COL11A1: variants seen among roughly 807,000 people sequenced by gnomAD.
COL11A1 encodes collagen type XI alpha 1 chain, also known as collagen alpha-1(XI) chain.
In COL11A1, 74 loss-of-function variants were observed where a neutral mutation model predicts 265.2. The ratio of observed to expected loss-of-function variants is 0.28; its 90% CI spans 0.23 to 0.34. COL11A1 has a LOEUF of 0.34. COL11A1 is among the 10% of genes least tolerant of loss of function. The pLI, the probability that COL11A1 is intolerant of heterozygous loss-of-function variation, is 1.00. For synonymous variants in COL11A1, 816 were observed against 727.6 expected (o/e 1.12, Z -1.96); for missense variants, 2,165 against 2,263.6 (o/e 0.96, Z 0.88).
chr1:102,915,683 C>A lies in COL11A1; in HGVS notation c.3764G>T (p.Gly1255Val). The change falls in exon 50 of 67, where the codon GGT (glycine) becomes GTT (valine). Residue 1255 changes from glycine (G) to valine (V), a missense_variant and splice_region_variant. Transcript: ENST00000370096. Reference protein sequence around the residue: ...VGSVGGVGEKGEPGEAGNPGP... With the variant: ...VGSVGGVGEKVEPGEAGNPGP... ...TGGGTTCCCTGCTTCTCCAGGTTCA[C>A]CCTATATAGAGAAGATCAAATTAGT... The A allele has an allele frequency of 6.2e-7, 1 of 1,610,054 alleles. No individual in the cohort carries two copies. Among genetic ancestry groups the A allele is most frequent in the East Asian group, 2.2e-5 (1 of 44,832 alleles).
chr1:102,893,671 G>A (rs1262193726), intron 57 of COL11A1, among the ~76,000 whole-genome samples: 5 of 152,080 alleles, frequency 3.3e-5, no homozygotes, highest in Non-Finnish European at 7.4e-5. Context: ...TTCCCCTGCA[G>A]TATTATACTT....
At chr1:103,103,137 TCTC>T (rs1243628934) in intron 1 of COL11A1, among the ~76,000 whole-genome samples, 4 of 151,952 alleles carry the variant, frequency 2.6e-5, no homozygotes, top group Non-Finnish European at 4.4e-5. Flanking sequence ...TACTACGTTC[TCTC>T]CTATTTTTTT....
chr1:102,915,424 T>C (rs556554475), intron 50 of COL11A1, among the ~76,000 whole-genome samples: 31 of 152,324 alleles, frequency 2.0e-4, no homozygotes. Flanking sequence ...TCAGCAAATA[T>C]GATATTTTTT....
intron 25 of COL11A1, among the ~76,000 whole-genome samples, chr1:102,997,886 G>A (rs1664774063): frequency 6.6e-6 from 1 of 151,898 alleles, no homozygotes; most frequent in African/African-American, 2.4e-5. Flanking sequence ...GAATGGTGAG[G>A]AACTTCACCT....
At chr1:103,096,022 G>C (rs1673730345) in intron 1 of COL11A1, among the ~76,000 whole-genome samples, 1 of 151,958 alleles carries the variant, frequency 6.6e-6, no homozygotes. Context: ...CAGGGAGACT[G>C]GATTTTATTC....
intron 24 of COL11A1, chr1:103,001,517 G>A (rs111367997): frequency 6.6e-6 from 3 of 452,156 alleles, no homozygotes; most frequent in African/African-American, 2.0e-5. Context: ...TCATATATGA[G>A]ATATAATGGC....
chr1:102,966,371 GA>G (rs577455722), intron 37 of COL11A1, among the ~76,000 whole-genome samples: 5 of 151,500 alleles, frequency 3.3e-5, no homozygotes, highest in Non-Finnish European at 5.9e-5. Flanking sequence ...AATAAGATTA[GA>G]AAAAAAATGG....
intron 47 of COL11A1, among the ~76,000 whole-genome samples, chr1:102,921,908 T>G (rs1467204592): frequency 6.6e-6 from 1 of 152,230 alleles, no homozygotes; most frequent in African/African-American, 2.4e-5. Flanking sequence ...AATGTAAAGT[T>G]GGAAAAATAA....
At chr1:103,027,280 C>CA (rs1299244611) in intron 5 of COL11A1, among the ~76,000 whole-genome samples, 1 of 149,596 alleles carries the variant, frequency 6.7e-6, no homozygotes, top group African/African-American at 2.4e-5. Context: ...TTTTAATTTT[C>CA]AATCAAGATA....
chr1:103,106,322 T>A (rs911658518), intron 1 of COL11A1, among the ~76,000 whole-genome samples: 1 of 152,182 alleles, frequency 6.6e-6, no homozygotes, highest in Non-Finnish European at 1.5e-5. Context: ...TTCCTATAAT[T>A]TTCAATAAAT....
chr1:102,978,245 A>G (rs1662693902), intron 35 of COL11A1, among the ~76,000 whole-genome samples: 1 of 152,162 alleles, frequency 6.6e-6, no homozygotes, highest in Non-Finnish European at 1.5e-5. Flanking sequence ...CTAAATAGCT[A>G]TTCTATTTAC....
intron 49 of COL11A1, among the ~76,000 whole-genome samples, chr1:102,916,080 T>C (rs942826878): frequency 6.6e-6 from 1 of 152,230 alleles, no homozygotes. Flanking sequence ...TGTAAATTTA[T>C]TTATCTTAAC....
chr1:102,880,431 G>T (rs1650089051), intron 65 of COL11A1, among the ~76,000 whole-genome samples: 1 of 152,074 alleles, frequency 6.6e-6, no homozygotes, highest in Admixed American at 6.6e-5. Context: ...GTCCTCAAAG[G>T]TTATTAATAT....
At chr1:103,085,717 G>T (rs1239112782) in intron 1 of COL11A1, among the ~76,000 whole-genome samples, 1 of 152,148 alleles carries the variant, frequency 6.6e-6, no homozygotes, top group Admixed American at 6.5e-5. Flanking sequence ...AATGATGTTT[G>T]AGAACATTTT....
intron 11 of COL11A1, among the ~76,000 whole-genome samples, chr1:103,016,396 A>G (rs1571044603): frequency 1.3e-5 from 2 of 151,896 alleles, no homozygotes; most frequent in East Asian, 3.9e-4. Context: ...TTTAGGTGTG[A>G]CTATGCTGTC....
At chr1:103,003,409 CCATAA>C in intron 20 of COL11A1, 141 bp from the exon 21 acceptor site, 1 of 905,200 alleles carries the variant, frequency 1.1e-6, no homozygotes, top group South Asian at 1.6e-5. Context: ...AAAGTGATGT[CCATAA>C]CATAAATATC....
chr1:103,024,250 C>T (rs956241800), intron 7 of COL11A1, among the ~76,000 whole-genome samples: 2 of 152,254 alleles, frequency 1.3e-5, no homozygotes, highest in East Asian at 1.9e-4. Flanking sequence ...CCTCAGCCTC[C>T]TGTGTAGCTG....
intron 1 of COL11A1, among the ~76,000 whole-genome samples, chr1:103,104,349 A>G (rs1434680568): frequency 6.6e-6 from 1 of 152,154 alleles, no homozygotes; most frequent in African/African-American, 2.4e-5. Context: ...AAATTTGAAA[A>G]GAGATGTTTG....
At chr1:103,008,659 A>C in intron 14 of COL11A1, 143 bp from the exon 15 acceptor site, 1 of 766,818 alleles carries the variant, frequency 1.3e-6, no homozygotes, top group South Asian at 1.6e-5. Context: ...AACACAGTAA[A>C]ATTTTCCAGC....
Sources: allele counts gnomAD v4.1 joint callset (sites outside exome capture counted in the v4.1 genomes callset), GRCh38; gene constraint gnomAD v4.1.1; transcripts MANE v1.5; gene names NCBI Gene and HGNC (gene_info 2026-07-23, HGNC 2026-07-21).